KCNK2: variants seen among roughly 807,000 people sequenced by gnomAD.
KCNK2 encodes the protein potassium two pore domain channel subfamily K member 2, also known as potassium channel subfamily K member 2.
A neutral mutation model predicts 40.5 loss-of-function variants in KCNK2; 21 were observed. The observed-to-expected ratio is 0.52, with a 90% CI of 0.37 to 0.75. The LOEUF is 0.75. Among genes scored for constraint, KCNK2 ranks in the 30% least tolerant of loss-of-function variants. KCNK2 has a pLI of 0.00. For synonymous variants in KCNK2, 191 were observed against 202.2 expected (o/e 0.94, Z 0.47); for missense variants, 399 against 531.6 (o/e 0.75, Z 2.45).
At chr1:215,135,505 A>G (rs141237895) in intron 3 of KCNK2, among the ~76,000 whole-genome samples, 21 of 151,984 alleles carry the variant, frequency 1.4e-4, no homozygotes, top group African/African-American at 4.8e-4. Context: ...TATTTCTGCC[A>G]CTAATATTTA....
At chr1:215,226,617 G>A (rs1666396480) in intron 6 of KCNK2, among the ~76,000 whole-genome samples, 1 of 152,112 alleles carries the variant, frequency 6.6e-6, no homozygotes, top group African/African-American at 2.4e-5. Context: ...GAGCCACCGC[G>A]CCCGGCCAAC....
At chr1:215,176,500 C>T (rs1002324465) in intron 5 of KCNK2, among the ~76,000 whole-genome samples, 7 of 152,066 alleles carry the variant, frequency 4.6e-5, no homozygotes, top group Admixed American at 1.3e-4. Context: ...ACCCCTGCAC[C>T]GCTGACAGAC....
intron 1 of KCNK2, among the ~76,000 whole-genome samples, chr1:215,044,963 G>C (rs183462401): frequency 1.3e-5 from 2 of 152,192 alleles, no homozygotes; most frequent in East Asian, 3.9e-4. Flanking sequence ...GAGGTCAGGA[G>C]ATCGAGACCA....
chr1:215,030,792 C>G (rs531254876), intron 1 of KCNK2, among the ~76,000 whole-genome samples: 1 of 151,050 alleles, frequency 6.6e-6, no homozygotes. Flanking sequence ...AGTGATCTGT[C>G]CACTTCAGCC....
chr1:215,050,450 G>A (rs907814749), intron 1 of KCNK2, among the ~76,000 whole-genome samples: 1 of 152,144 alleles, frequency 6.6e-6, no homozygotes, highest in Non-Finnish European at 1.5e-5. Context: ...AGTACTATAG[G>A]TGATGGGGAC....
chr1:215,022,113 A>ATCTATCTATCTATCTATCTG lies in KCNK2; in HGVS notation c.34+16174_34+16175insTCTGTCTATCTATCTATCTA, dbSNP rs1656819263. On this transcript the variant is annotated intron_variant, in intron 1 of 6. Transcript: ENST00000391895. ...TGCCACAATAAATCCCCTCCTATCT[A>ATCTATCTATCTATCTATCTG]TCTATCTATCTATCTAATCATCTAT... is the stretch of plus-strand genomic sequence containing the variant. 4.8e-5 allele frequency among the ~76,000 whole-genome samples: 6 copies of ATCTATCTATCTATCTATCTG among 123,874 alleles called. No individual in the cohort carries two copies. The South Asian group carries it at 1.4e-3, about 30-fold the overall frequency. The allele number at this position is 123,874 out of a possible 152,430, so 81.3% of individuals were successfully genotyped here.
At chr1:215,103,867 C>T (rs998338920) in intron 2 of KCNK2, among the ~76,000 whole-genome samples, 1 of 151,954 alleles carries the variant, frequency 6.6e-6, no homozygotes, top group African/African-American at 2.4e-5. Flanking sequence ...TATTCCCTAT[C>T]GTTTTCCCCT....
At chr1:215,126,481 G>C (rs974186519) in intron 3 of KCNK2, among the ~76,000 whole-genome samples, 2 of 152,018 alleles carry the variant, frequency 1.3e-5, no homozygotes, top group Admixed American at 1.3e-4. Context: ...ACTACTTAGA[G>C]TCTAGAAGAA....
chr1:215,073,578 A>C (rs2102517156), intron 1 of KCNK2, among the ~76,000 whole-genome samples: 1 of 152,254 alleles, frequency 6.6e-6, no homozygotes, highest in East Asian at 1.9e-4. Context: ...TGGAGGCTCT[A>C]AGGAAAGAAG....
chr1:215,160,954 C>T (rs1663166709), intron 3 of KCNK2, among the ~76,000 whole-genome samples: 1 of 152,136 alleles, frequency 6.6e-6, no homozygotes, highest in Non-Finnish European at 1.5e-5. Flanking sequence ...CTTCCTTGAT[C>T]CTACCCTGGT....
At chr1:215,105,714 A>T (rs942013485) in intron 2 of KCNK2, among the ~76,000 whole-genome samples, 1 of 152,136 alleles carries the variant, frequency 6.6e-6, no homozygotes, top group East Asian at 1.9e-4. Context: ...ATAGTACCCA[A>T]TAGTTTTTTA....
At chr1:215,119,081 C>T (rs1249182328) in intron 2 of KCNK2, among the ~76,000 whole-genome samples, 4 of 152,164 alleles carry the variant, frequency 2.6e-5, no homozygotes. Context: ...GTACATTCTT[C>T]AGCCTTTTCC....
At chr1:215,088,749 G>A (rs1355799802) in intron 2 of KCNK2, among the ~76,000 whole-genome samples, 1 of 152,076 alleles carries the variant, frequency 6.6e-6, no homozygotes, top group Non-Finnish European at 1.5e-5. Flanking sequence ...ATCACTTTTT[G>A]CTACATTGTC....
intron 6 of KCNK2, among the ~76,000 whole-genome samples, chr1:215,210,112 A>G (rs1241200884): frequency 1.3e-5 from 1 of 75,254 alleles, no homozygotes; most frequent in Non-Finnish European, 2.5e-5. Flanking sequence ...TGTACTATAC[A>G]TACTATATAT....
At chr1:215,038,312 A>G (rs1317669097) in intron 1 of KCNK2, among the ~76,000 whole-genome samples, 1 of 152,006 alleles carries the variant, frequency 6.6e-6, no homozygotes, top group Non-Finnish European at 1.5e-5. Flanking sequence ...CAGGTCCCAC[A>G]TGAAGGAAGT....
chr1:215,205,781 T>C (rs570649483), intron 6 of KCNK2, among the ~76,000 whole-genome samples: 2 of 152,184 alleles, frequency 1.3e-5, no homozygotes, highest in African/African-American at 4.8e-5. Flanking sequence ...CCTGATTAAT[T>C]TGGTAACACA....
chr1:215,113,997 C>A (rs1464098762), intron 2 of KCNK2, among the ~76,000 whole-genome samples: 4 of 152,160 alleles, frequency 2.6e-5, no homozygotes, highest in Admixed American at 2.6e-4. Context: ...CCCCTTCATG[C>A]CTCTTCTGAA....
intron 6 of KCNK2, among the ~76,000 whole-genome samples, chr1:215,197,955 C>T (rs573946221): frequency 2.0e-4 from 31 of 152,154 alleles, no homozygotes; most frequent in Non-Finnish European, 3.2e-4. Flanking sequence ...GCAGAGATGG[C>T]GCTACTGTAC....
intron 6 of KCNK2, among the ~76,000 whole-genome samples, chr1:215,228,633 C>A (rs189189522): frequency 1.1e-3 from 169 of 152,144 alleles, no homozygotes; most frequent in African/African-American, 3.8e-3. Context: ...GTAAGTAATG[C>A]AGATTGCTTG....
Sources: gnomAD v4.1 joint callset for allele counts (sites outside exome capture counted in the v4.1 genomes callset) on GRCh38, gnomAD v4.1.1 for gene constraint, MANE v1.5 for transcripts, NCBI Gene and HGNC (gene_info 2026-07-23, HGNC 2026-07-21) for gene names.